Variants in IL11 observed in about 807,000 individuals in gnomAD.
The protein encoded by IL11 is interleukin 11, also known as interleukin-11.
Under a neutral mutation model 18.1 loss-of-function variants are expected in IL11, and 17 were observed. That is an observed-to-expected ratio of 0.94 (90% confidence interval 0.64 to 1.41). IL11 has a LOEUF of 1.41. IL11 is among the 40% of genes most tolerant of loss of function. The pLI is 0.00. For synonymous variants in IL11, 144 were observed against 134.1 expected, an observed-to-expected ratio of 1.07 and a Z score of -0.51; for missense variants, 309 against 262.8, an observed-to-expected ratio of 1.18 and a Z score of -1.22.
Position 55,368,235 on chromosome 19 carries a change from C to G in IL11, c.404G>C (p.Arg135Pro). The change falls in exon 4 of 5, where the codon CGG (arginine) becomes CCG (proline). Residue 135 changes from arginine to proline, a missense_variant. Coordinates refer to ENST00000264563, the MANE Select transcript of IL11 (RefSeq NM_000641.4). ...ELGTLQARLD[R>P]LLRRLQLLMS... ...CAGGAGCTGCAGCCGGCGCAGCAGC[C>G]GGTCCAGTCGGGCCTGCAGGGTGCC... is the stretch of plus-strand genomic sequence containing the variant. The G allele has an allele frequency of 6.5e-7, 1 of 1,538,108 alleles. No homozygotes were observed. The highest frequency in any genetic ancestry group is 8.8e-7 in the Non-Finnish European group (1 of 1,139,012).
rs1254371384 is a variant in IL11 at position 55,368,778 on chromosome 19, A to AG, written c.170dup (p.Ala58CysfsTer10). On this transcript the variant is annotated frameshift_variant, in exon 2 of 5. Transcript: ENST00000264563. LOFTEE classifies it high-confidence loss of function. ...GCCCAGTCTCTCCTACCAGCTGTGC[A>AG]GCCAGCTGCCGCGTGTCCGCCAGGA... The AG allele has an allele frequency of 1.3e-6, 2 of 1,582,968 alleles. No homozygotes were observed. The highest frequency in any genetic ancestry group is 2.7e-5 in the African/African-American group (2 of 74,776).
chr19:55,367,047 G>T (rs2089790096), intron 4 of IL11, among the ~76,000 whole-genome samples: 1 of 152,058 alleles, frequency 6.6e-6, no homozygotes, highest in African/African-American at 2.4e-5. Flanking sequence ...TTAGAGATGG[G>T]GTCTCTGGGT....
chr19:55,366,150 G>C lies in IL11; in HGVS notation c.457C>G (p.Pro153Ala). Reference protein sequence around the residue: ...LMSRLALPQPPPDPPAPPLAP... With the variant: ...LMSRLALPQPAPDPPAPPLAP... ...AGCGGGGGCGCCGGCGGGTCCGGGGGTGGCTGGGGCAGGGCCAGGCGGGAC... is the reference window on the plus strand; with the variant it reads ...AGCGGGGGCGCCGGCGGGTCCGGGGCTGGCTGGGGCAGGGCCAGGCGGGAC... The change falls in exon 5 of 5, where the codon CCC becomes GCC. Residue 153 changes from proline to alanine, a missense_variant. Coordinates refer to ENST00000264563, the MANE Select transcript of IL11 (RefSeq NM_000641.4). This position sits in a 1 kb window ranked among gnomAD's most constrained non-coding sequence, Gnocchi z 4.6. 1 of 1,507,348 alleles carries C rather than the reference G, an allele frequency of 6.6e-7. No homozygotes were observed. Among genetic ancestry groups the C allele is most frequent in the Non-Finnish European group, 8.9e-7 (1 of 1,122,316 alleles). 93.4% of individuals were successfully genotyped at this position (1,507,348 alleles called of 1,614,324 possible).
In IL11 at chr19:55,366,010, C is replaced by T. The variant is rs572987635; in HGVS notation, c.597G>A (p.Leu199=). The change falls in exon 5 of 5, where the codon CTG becomes CTA. Residue 199 remains leucine (L), a synonymous_variant. Transcript: ENST00000264563. This position sits in a 1 kb window ranked among gnomAD's most constrained non-coding sequence, Gnocchi z 4.6. ...GGTGGTGGCTTTGGGCCCCGGGTCACAGCCGAGTCTTCAGCAGCAGCAGTC... is the reference window on the plus strand; with the variant it reads ...GGTGGTGGCTTTGGGCCCCGGGTCATAGCCGAGTCTTCAGCAGCAGCAGTC... ...VRGLLLLKTR[L] The T allele has an allele frequency of 9.4e-6, 15 of 1,601,496 alleles. No homozygotes were observed. In the East Asian group the frequency reaches 2.9e-4, roughly 31 times the overall value.
At chr19:55,367,291 G>C (rs751797524) in intron 4 of IL11, among the ~76,000 whole-genome samples, 1 of 151,908 alleles carries the variant, frequency 6.6e-6, no homozygotes, top group Non-Finnish European at 1.5e-5. Flanking sequence ...AGGGCTCGGG[G>C]TCTAGGTCCT....
chr19:55,368,780 C>T lies in IL11; in HGVS notation c.169G>A (p.Ala57Thr). 1 of 1,583,514 alleles carries T rather than the reference C, an allele frequency of 6.3e-7. No individual in the cohort carries two copies. The highest frequency in any genetic ancestry group is 1.2e-5 in the South Asian group (1 of 86,436). Reference protein sequence around the residue: ...RSLLADTRQLAAQLRDKFPAD... With the variant: ...RSLLADTRQLTAQLRDKFPAD... ...CCAGTCTCTCCTACCAGCTGTGCAG[C>T]CAGCTGCCGCGTGTCCGCCAGGAGA... Residue 57 changes from alanine to threonine, a missense_variant, in exon 2 of 5, where the codon GCT becomes ACT. By Grantham distance (58) the Ala-to-Thr change is moderately conservative. Coordinates refer to ENST00000264563, the MANE Select transcript of IL11 (RefSeq NM_000641.4).
At position 55,369,363 on chromosome 19, in the gene IL11, G is replaced by C. The variant is rs892957811; in HGVS notation, c.8-422C>G. 6.4e-6 allele frequency: 1 copy of C among 155,658 alleles called. No individual in the cohort carries two copies. Among genetic ancestry groups the C allele is most frequent in the Non-Finnish European group, 1.4e-5 (1 of 70,522 alleles). 9.6% of individuals were successfully genotyped at this position (155,658 alleles called of 1,614,324 possible). A position where few individuals can be genotyped will look rare whatever the true frequency, so the allele number is the denominator to read the frequency against. ...CGCCGGAATCTGGGCCCCGGGGCGGGGCATGGTGGGGGAGGCACAGGCCAG... is the reference window on the plus strand; with the variant it reads ...CGCCGGAATCTGGGCCCCGGGGCGGCGCATGGTGGGGGAGGCACAGGCCAG... On this transcript the variant is annotated intron_variant, in intron 1 of 4. Coordinates refer to ENST00000264563, the MANE Select transcript of IL11 (RefSeq NM_000641.4). The surrounding 1 kb of genome is among the most constrained non-coding windows in gnomAD (Gnocchi z 6.1).
chr19:55,368,244 C>A lies in IL11; in HGVS notation c.395G>T (p.Arg132Leu). 1.5e-5 allele frequency: 23 copies of A among 1,543,480 alleles called. No individual in the cohort carries two copies. Among genetic ancestry groups the A allele is most frequent in the South Asian group, 3.6e-5 (3 of 83,982 alleles). The part of the protein sequence containing the change: ...LEPELGTLQA[R>L]LDRLLRRLQL... Reference sequence around the variant, plus strand: ...CAGCCGGCGCAGCAGCCGGTCCAGTCGGGCCTGCAGGGTGCCCAGCTCGGG... The same window carrying A: ...CAGCCGGCGCAGCAGCCGGTCCAGTAGGGCCTGCAGGGTGCCCAGCTCGGG... The change falls in exon 4 of 5, where the codon CGA (arginine) becomes CTA (leucine). Residue 132 changes from arginine to leucine, a missense_variant. Transcript: ENST00000264563.
At chr19:55,368,593 G>A (rs1487079995) in intron 2 of IL11, 24 bp from the exon 3 acceptor site, 1 of 1,591,754 alleles carries the variant, frequency 6.3e-7, no homozygotes, top group Admixed American at 1.8e-5. Context: ...AAGCTGTGAG[G>A]TGGCCCCTGC....
Position 55,368,508 on chromosome 19 carries a change from C to T in IL11, c.242G>A (p.Ser81Asn). The T allele has an allele frequency of 6.2e-7, 1 of 1,612,990 alleles. No homozygotes were observed. The highest frequency in any genetic ancestry group is 8.5e-7 in the Non-Finnish European group (1 of 1,179,628). The change falls in exon 3 of 5, where the codon AGT becomes AAT. Residue 81 changes from serine (S) to asparagine (N), a missense_variant. Ser to Asn is a conservative substitution (Grantham distance 46, BLOSUM62 1). Coordinates refer to ENST00000264563, the MANE Select transcript of IL11 (RefSeq NM_000641.4). Reference sequence around the variant, plus strand: ...CTGTAGAGCTCCCAGTGCCCCCGCACTCATGGCCAGGGTGGGCAGGGAATC... The same window carrying T: ...CTGTAGAGCTCCCAGTGCCCCCGCATTCATGGCCAGGGTGGGCAGGGAATC... ...NLDSLPTLAM[S>N]AGALGALQLP...
Position 55,365,964 on chromosome 19 carries a change from A to G in IL11, c.*43T>C. On this transcript the variant is annotated 3_prime_UTR_variant, in exon 5 of 5. Coordinates refer to ENST00000264563, the MANE Select transcript of IL11 (RefSeq NM_000641.4). ...CCAGTACTGAAATAAATAAATAAAT[A>G]AGATCTGGCTTTGGAAGGACGGTGG... 6.4e-7 allele frequency: 1 copy of G among 1,556,048 alleles called. No individual in the cohort carries two copies. Among genetic ancestry groups the G allele is most frequent in the Non-Finnish European group, 8.7e-7 (1 of 1,151,054 alleles).
chr19:55,367,309 T>C (rs1450154652), intron 4 of IL11, among the ~76,000 whole-genome samples: 1 of 151,672 alleles, frequency 6.6e-6, no homozygotes, highest in Non-Finnish European at 1.5e-5. Flanking sequence ...CCTGGAGGTC[T>C]TGGGTTTGTA....
At position 55,366,292 on chromosome 19, in the gene IL11, C is replaced by T. The variant is rs912159441; in HGVS notation, c.430-115G>A. The stretch of plus-strand genomic sequence containing the variant: ...CTGCATATTCACAGGGGGACTGTGG[C>T]GCGTGGGGTGAAGTGTTTAGGCCGG... On this transcript the variant is annotated intron_variant, in intron 4 of 4. Transcript: ENST00000264563. This position sits in a 1 kb window ranked among gnomAD's most constrained non-coding sequence, Gnocchi z 4.6. 2.3e-5 allele frequency: 25 copies of T among 1,102,700 alleles called. No individual in the cohort carries two copies. The highest frequency in any genetic ancestry group is 8.2e-5 in the African/African-American group (5 of 60,710). The allele number at this position is 1,102,700 out of a possible 1,614,324, so 68.3% of individuals were successfully genotyped here.
In IL11 at chr19:55,366,013, C is replaced by A. The variant is rs2123238391; in HGVS notation, c.594G>T (p.Arg198=). 2 of 1,602,802 alleles carry A rather than the reference C, an allele frequency of 1.2e-6. No homozygotes were observed. The highest frequency in any genetic ancestry group is 3.4e-4 in the Middle Eastern group (2 of 5,946). The part of the protein sequence containing the change: ...AVRGLLLLKT[R]L ...GGTGGCTTTGGGCCCCGGGTCACAG[C>A]CGAGTCTTCAGCAGCAGCAGTCCCC... Residue 198 remains arginine (R), a synonymous_variant, in exon 5 of 5, where the codon CGG becomes CGT. Transcript: ENST00000264563. The surrounding 1 kb of genome is among the most constrained non-coding windows in gnomAD (Gnocchi z 4.6).
In IL11 at chr19:55,368,512, T is replaced by C; in HGVS notation, c.238A>G (p.Met80Val). ...HNLDSLPTLAMSAGALGALQL... is the reference protein window; with the variant it reads ...HNLDSLPTLAVSAGALGALQL... Reference sequence around the variant, plus strand: ...AGAGCTCCCAGTGCCCCCGCACTCATGGCCAGGGTGGGCAGGGAATCCAGG... The same window carrying C: ...AGAGCTCCCAGTGCCCCCGCACTCACGGCCAGGGTGGGCAGGGAATCCAGG... The change falls in exon 3 of 5, where the codon ATG becomes GTG. Residue 80 changes from methionine (M) to valine (V), a missense_variant. Met to Val is a conservative substitution (Grantham distance 21). Transcript: ENST00000264563. 6.2e-7 allele frequency: 1 copy of C among 1,612,912 alleles called. No homozygotes were observed. The highest frequency in any genetic ancestry group is 2.2e-5 in the East Asian group (1 of 44,850).
chr19:55,368,639 C>A, intron 2 of IL11, 70 bp from the exon 3 acceptor site: 1 of 1,497,244 alleles, frequency 6.7e-7, no homozygotes, highest in Non-Finnish European at 9.1e-7. Flanking sequence ...CCACGCCAGG[C>A]CCCCAACTCT....
rs1281686967 is a variant in IL11 at position 55,364,412 on chromosome 19, T to C, written c.*1595A>G. ...TTATTCTAAAAATAGTGTTTATTAT[T>C]TTTAAAATGTGTCATGCAAAATACA... On this transcript the variant is annotated 3_prime_UTR_variant, in exon 5 of 5. Coordinates refer to ENST00000264563, the MANE Select transcript of IL11 (RefSeq NM_000641.4). The C allele has an allele frequency of 6.6e-6, 1 of 152,214 alleles. No individual in the cohort carries two copies. Among genetic ancestry groups the C allele is most frequent in the African/African-American group, 2.4e-5 (1 of 41,444 alleles). 9.4% of individuals were successfully genotyped at this position (152,214 alleles called of 1,614,324 possible).
chr19:55,369,776 C>T lies in IL11; in HGVS notation c.7+528G>A, dbSNP rs1439513670. Among the ~76,000 whole-genome samples, 1 of 150,788 alleles carries T rather than the reference C, an allele frequency of 6.6e-6. No homozygotes were observed. Among genetic ancestry groups the T allele is most frequent in the South Asian group, 2.1e-4 (1 of 4,814 alleles). On this transcript the variant is annotated intron_variant, in intron 1 of 4. Transcript: ENST00000264563. The surrounding 1 kb of genome is among the most constrained non-coding windows in gnomAD (Gnocchi z 6.1). ...CAGCCCGCCCCCCGGGCCCGCCAGC[C>T]GTCGGTCTGTCCGCGCCTCCGTCGG...
chr19:55,368,169 G>A (rs2089797104), intron 4 of IL11, 41 bp downstream of exon 4: 1 of 1,482,022 alleles, frequency 6.7e-7, no homozygotes, highest in Non-Finnish European at 9.0e-7. Flanking sequence ...TGGGGCCAGG[G>A]GTGGGGGTCT....
Sources: gnomAD v4.1 joint callset for allele counts (sites outside exome capture counted in the v4.1 genomes callset) on GRCh38, gnomAD v4.1.1 for gene constraint, Gnocchi (gnomAD v3.1) non-coding constraint, MANE v1.5 for transcripts, NCBI Gene and HGNC (gene_info 2026-07-23, HGNC 2026-07-21) for gene names.